The following PLAGL1 variants were observed in gnomAD, a reference collection of about 807,000 sequenced individuals.
The protein encoded by PLAGL1 is PLAG1 like zinc finger 1.
A neutral mutation model predicts 4.6 loss-of-function variants in PLAGL1; 1 was observed. That is an observed-to-expected ratio of 0.22 (90% CI 0.08 to 1.03). The LOEUF (loss-of-function observed/expected upper bound fraction) is 1.03. Ranked by LOEUF, PLAGL1 falls within the 50% of genes least tolerant of loss-of-function variation. The pLI, the probability that PLAGL1 is intolerant of heterozygous loss-of-function variation, is 0.58. For missense variants in PLAGL1, 464 were observed against 570.4 expected (o/e 0.81, Z 1.90); for synonymous variants, 240 against 237.8 (o/e 1.01, Z -0.08).
At chr6:144,001,201 T>C (rs1398790444) in intron 1 of PLAGL1, among the ~76,000 whole-genome samples, 1 of 151,802 alleles carries the variant, frequency 6.6e-6, no homozygotes, top group Non-Finnish European at 1.5e-5. Context: ...AAATTTTTAA[T>C]GGGGACATTT....
chr6:143,977,048 T>C (rs1355984951), intron 2 of PLAGL1, among the ~76,000 whole-genome samples: 1 of 152,014 alleles, frequency 6.6e-6, no homozygotes, highest in African/African-American at 2.4e-5. Flanking sequence ...CACAGCAAAA[T>C]TGAGCCTGTT....
intron 2 of PLAGL1, among the ~76,000 whole-genome samples, chr6:143,969,951 G>C (rs75588451): frequency 0.12 from 18,065 of 152,110 alleles, 1,337 homozygotes; most frequent in Non-Finnish European, 0.16. Flanking sequence ...GCAGCAAAAT[G>C]TTTACAGACT....
intron 1 of PLAGL1, among the ~76,000 whole-genome samples, chr6:144,018,407 G>T (rs550625618): frequency 6.6e-6 from 1 of 152,222 alleles, no homozygotes; most frequent in African/African-American, 2.4e-5. Context: ...AGCGGGTATT[G>T]GTCAAAGGAC....
intron 1 of PLAGL1, among the ~76,000 whole-genome samples, chr6:144,028,741 A>G (rs1266500875): frequency 6.6e-6 from 1 of 152,202 alleles, no homozygotes; most frequent in African/African-American, 2.4e-5. Flanking sequence ...AGAGAATGTC[A>G]AATACTCAAA....
At position 144,006,104 on chromosome 6, in the gene PLAGL1, G is replaced by T. The variant is rs1383069788; in HGVS notation, c.-584+1986C>A. ...TGAAATATTATAAATTAAGTTATAA[G>T]AATACATAAAGAATAATTTAATGAA... is the stretch of plus-strand genomic sequence containing the variant. On this transcript the variant is annotated intron_variant, in intron 1 of 7. Transcript: ENST00000674357. This position sits in a 1 kb window ranked among gnomAD's most constrained non-coding sequence, Gnocchi z 4.3. 2.6e-5 allele frequency: 4 copies of T among 152,008 alleles called. No individual in the cohort carries two copies. Among genetic ancestry groups the T allele is most frequent in the African/African-American group, 9.7e-5 (4 of 41,398 alleles). The allele number at this position is 152,008 out of a possible 1,614,324, so 9.4% of individuals were successfully genotyped here. A position where few individuals can be genotyped will look rare whatever the true frequency, so the allele number is the denominator to read the frequency against.
chr6:143,942,053 T>C lies in PLAGL1; in HGVS notation c.763A>G (p.Ser255Gly). Residue 255 changes from serine (S) to glycine (G), a missense_variant, in exon 8 of 8, where the codon AGC (serine) becomes GGC (glycine). Ser to Gly is a moderately conservative substitution (Grantham distance 56, BLOSUM62 0). Coordinates refer to ENST00000674357, the MANE Select transcript of PLAGL1 (RefSeq NM_001317162.2). The surrounding 1 kb of genome is among the most constrained non-coding windows in gnomAD (Gnocchi z 7.6). ...GASAQNGLASSLPAEVHSLTL... is the reference protein window; with the variant it reads ...GASAQNGLASGLPAEVHSLTL... Reference sequence around the variant, plus strand: ...AGGCTATGGACCTCAGCTGGCAAGCTACTTGCAAGCCCGTTCTGGGCAGAA... The same window carrying C: ...AGGCTATGGACCTCAGCTGGCAAGCCACTTGCAAGCCCGTTCTGGGCAGAA... The C allele has an allele frequency of 6.2e-7, 1 of 1,610,360 alleles. No individual in the cohort carries two copies. The highest frequency in any genetic ancestry group is 1.1e-5 in the South Asian group (1 of 90,594).
rs530002752 is a variant in PLAGL1, at chr6:143,979,715, A to C, written c.-544+5420T>G. ...CCATCTTTTAAAAAATATTAATAATAATCATCATCGTATGTATTTATTTAC... is the reference window on the plus strand; with the variant it reads ...CCATCTTTTAAAAAATATTAATAATCATCATCATCGTATGTATTTATTTAC... On this transcript the variant is annotated intron_variant, in intron 2 of 7. Coordinates refer to ENST00000674357, the MANE Select transcript of PLAGL1 (RefSeq NM_001317162.2). This position sits in a 1 kb window ranked among gnomAD's most constrained non-coding sequence, Gnocchi z 4.6. 2.1e-4 allele frequency among the ~76,000 whole-genome samples: 32 copies of C among 152,176 alleles called. No homozygotes were observed. Among genetic ancestry groups the C allele is most frequent in the African/African-American group, 3.1e-4 (13 of 41,568 alleles).
rs1791458682 is a variant in PLAGL1 at position 143,995,698 on chromosome 6, G to T, written c.-583-10524C>A. Among the ~76,000 whole-genome samples the T allele has an allele frequency of 6.6e-6, 1 of 151,806 alleles. No individual in the cohort carries two copies. The highest frequency in any genetic ancestry group is 2.4e-5 in the African/African-American group (1 of 41,310). Reference sequence around the variant, plus strand: ...AAATGTTTCAAATCTGAAATATAAGGATTTTTTTTTTCCTGAAGACTAAAG... The same window carrying T: ...AAATGTTTCAAATCTGAAATATAAGTATTTTTTTTTTCCTGAAGACTAAAG... On this transcript the variant is annotated intron_variant, in intron 1 of 7. Transcript: ENST00000674357. This position sits in a 1 kb window ranked among gnomAD's most constrained non-coding sequence, Gnocchi z 4.4.
In PLAGL1 at chr6:143,995,596, G is replaced by A. The variant is rs1213825848; in HGVS notation, c.-583-10422C>T. Among the ~76,000 whole-genome samples, 1 of 151,904 alleles carries A rather than the reference G, an allele frequency of 6.6e-6. No homozygotes were observed. Among genetic ancestry groups the A allele is most frequent in the Non-Finnish European group, 1.5e-5 (1 of 67,948 alleles). Reference sequence around the variant, plus strand: ...TTATGAATGTTTTCTAAGTTAAATAGCTTTAAAAGCTATACTGTCATAAGA... The same window carrying A: ...TTATGAATGTTTTCTAAGTTAAATAACTTTAAAAGCTATACTGTCATAAGA... On this transcript the variant is annotated intron_variant, in intron 1 of 7. Transcript: ENST00000674357. This position sits in a 1 kb window ranked among gnomAD's most constrained non-coding sequence, Gnocchi z 4.4.
chr6:144,043,460 T>C (rs981750218), intron 1 of PLAGL1, among the ~76,000 whole-genome samples: 2 of 152,228 alleles, frequency 1.3e-5, no homozygotes, highest in African/African-American at 4.8e-5. Flanking sequence ...TGGTTCTGTT[T>C]ATGTGATAGA....
chr6:144,026,270 C>G (rs1349662195), intron 1 of PLAGL1, among the ~76,000 whole-genome samples: 1 of 152,012 alleles, frequency 6.6e-6, no homozygotes, highest in Non-Finnish European at 1.5e-5. Flanking sequence ...AAATTATGTC[C>G]CTGGCCTCAA....
rs113679498 is a variant in PLAGL1, at chr6:143,953,169, C to T, written c.-324-4709G>A. Among the ~76,000 whole-genome samples the T allele has an allele frequency of 9.5e-3, 1,451 of 152,306 alleles. 18 individuals carry two copies. The highest frequency in any genetic ancestry group is 0.033 in the African/African-American group (1,373 of 41,556). On this transcript the variant is annotated intron_variant, in intron 6 of 7. Coordinates refer to ENST00000674357, the MANE Select transcript of PLAGL1 (RefSeq NM_001317162.2). The surrounding 1 kb of genome is among the most constrained non-coding windows in gnomAD (Gnocchi z 5.3). Reference sequence around the variant, plus strand: ...CAGAGGCACGAGTTCCTCCTCCACACGGTGAGGTGTTTACTCAATGGCCCA... The same window carrying T: ...CAGAGGCACGAGTTCCTCCTCCACATGGTGAGGTGTTTACTCAATGGCCCA...
At chr6:144,008,525 G>C, upstream of PLAGL1, 1 of 152,334 alleles carries the variant, frequency 6.6e-6, no homozygotes, top group Non-Finnish European at 1.5e-5. This position sits in a 1 kb window ranked among gnomAD's most constrained non-coding sequence, Gnocchi z 6.9. Flanking sequence ...GGAGCTGAGC[G>C]GCACCCACAC....
In PLAGL1 at chr6:143,985,777, C is replaced by T. The variant is rs562802542; in HGVS notation, c.-583-603G>A. Reference sequence around the variant, plus strand: ...AGATCACTCATTTCAAAAATCAAAACGCAAAAAGTAAGGGAGTCAGAAATG... The same window carrying T: ...AGATCACTCATTTCAAAAATCAAAATGCAAAAAGTAAGGGAGTCAGAAATG... On this transcript the variant is annotated intron_variant, in intron 1 of 7. Coordinates refer to ENST00000674357, the MANE Select transcript of PLAGL1 (RefSeq NM_001317162.2). This position sits in a 1 kb window ranked among gnomAD's most constrained non-coding sequence, Gnocchi z 4.4. Among the ~76,000 whole-genome samples the T allele has an allele frequency of 3.3e-5, 5 of 151,110 alleles. No homozygotes were observed. The highest frequency in any genetic ancestry group is 2.1e-4 in the South Asian group (1 of 4,800).
chr6:143,998,183 A>G (rs1792086756), intron 1 of PLAGL1, among the ~76,000 whole-genome samples: 1 of 152,232 alleles, frequency 6.6e-6, no homozygotes, highest in Non-Finnish European at 1.5e-5. Flanking sequence ...CAAAGAAAAT[A>G]GGAGTACACC....
At chr6:143,951,769 T>C (rs1781124342) in intron 6 of PLAGL1, among the ~76,000 whole-genome samples, 1 of 152,230 alleles carries the variant, frequency 6.6e-6, no homozygotes, top group Admixed American at 6.5e-5. Flanking sequence ...ACACAAAGTC[T>C]CTCGTTTTTA....
rs1296064916 is a variant in PLAGL1, at chr6:144,030,281, A to AAAAAAAAAAAAAAAG, written c.-151+34186_-151+34187insCTTTTTTTTTTTTTT. On this transcript the variant is annotated intron_variant, in intron 1 of 3. Coordinates refer to the PLAGL1 transcript ENST00000437412. ...AAAAAAAAAAAAAAAAAAAAAAAAA[A>AAAAAAAAAAAAAAAG]AAGAAGATGTAAATTTTAATACAAT... Among the ~76,000 whole-genome samples the AAAAAAAAAAAAAAAG allele has an allele frequency of 2.9e-4, 38 of 132,960 alleles. 1 individual carries two copies. The highest frequency in any genetic ancestry group is 1.9e-3 in the East Asian group (8 of 4,212). 87.2% of individuals were successfully genotyped at this position (132,960 alleles called of 152,430 possible).
At position 143,949,358 on chromosome 6, in the gene PLAGL1, T is replaced by C. The variant is rs1780515354; in HGVS notation, c.-324-898A>G. On this transcript the variant is annotated intron_variant, in intron 6 of 7. Transcript: ENST00000674357. This position sits in a 1 kb window ranked among gnomAD's most constrained non-coding sequence, Gnocchi z 5.3. ...CCAATTGGCCATCATTGGAGGAACC[T>C]GAAGTGTCTGAGCCTGCATCATGAA... Among the ~76,000 whole-genome samples, 1 of 152,224 alleles carries C rather than the reference T, an allele frequency of 6.6e-6. No homozygotes were observed. Among genetic ancestry groups the C allele is most frequent in the Non-Finnish European group, 1.5e-5 (1 of 68,042 alleles).
chr6:143,960,678 C>G lies in PLAGL1; in HGVS notation c.-398-136G>C, dbSNP rs1783201897. The G allele has an allele frequency of 6.6e-6, 1 of 152,162 alleles. No individual in the cohort carries two copies. The highest frequency in any genetic ancestry group is 1.5e-5 in the Non-Finnish European group (1 of 68,028). 9.4% of individuals were successfully genotyped at this position (152,162 alleles called of 1,614,324 possible). A position where few individuals can be genotyped will look rare whatever the true frequency, so the allele number is the denominator to read the frequency against. ...CACAGGAGATTTTCTAGTGTTTTTT[C>G]ATGCATTTTAATAGATGATCTTTAA... is the stretch of plus-strand genomic sequence containing the variant. On this transcript the variant is annotated intron_variant, in intron 5 of 7. Transcript: ENST00000674357. The surrounding 1 kb of genome is among the most constrained non-coding windows in gnomAD (Gnocchi z 5.7).
Sources: gnomAD v4.1 joint callset for allele counts (sites outside exome capture counted in the v4.1 genomes callset) on GRCh38, gnomAD v4.1.1 for gene constraint, Gnocchi (gnomAD v3.1) non-coding constraint, MANE v1.5 for transcripts, NCBI Gene and HGNC (gene_info 2026-07-23, HGNC 2026-07-21) for gene names.